The following GALNT13 variants were observed in gnomAD, a reference collection of about 807,000 sequenced individuals.
GALNT13 encodes the protein UDP-GalNAc:polypeptide N-acetylgalactosaminyltransferase 13.
In GALNT13, 28 loss-of-function variants were observed where a neutral mutation model predicts 64.2. That is an observed-to-expected ratio of 0.44 (90% CI 0.32 to 0.60). The LOEUF (loss-of-function observed/expected upper bound fraction) is 0.60, where lower values mean the gene tolerates loss of function less well. GALNT13 is among the 20% of genes least tolerant of loss of function. The probability of loss-of-function intolerance (pLI) is 0.05; values close to 1 mark genes in which losing one functional copy is unlikely to be tolerated. For missense variants in GALNT13, 577 were observed against 669.8 expected, an observed-to-expected ratio of 0.86 and a Z score of 1.53; for synonymous variants, 214 against 224.6, an observed-to-expected ratio of 0.95 and a Z score of 0.42.
chr2:153,477,880 C>G, the GALNT13 span: 1 of 299,082 alleles, frequency 3.3e-6, no homozygotes, highest in Non-Finnish European at 6.3e-6. Context: ...TCTCCCCTGC[C>G]CGCCCTCTCC....
chr2:153,870,355 G>A (rs1006359067), upstream of GALNT13, among the ~76,000 whole-genome samples: 3 of 151,932 alleles, frequency 2.0e-5, no homozygotes, highest in Non-Finnish European at 4.4e-5. Context: ...TAAGAATGGG[G>A]GCTTATTTGT....
At chr2:154,350,531 G>A (rs1380541105) in intron 9 of GALNT13, among the ~76,000 whole-genome samples, 1 of 152,188 alleles carries the variant, frequency 6.6e-6, no homozygotes, top group African/African-American at 2.4e-5. Flanking sequence ...TACTTTTGAG[G>A]TTTGGGGACT....
chr2:154,316,094 A>C (rs1694304915), intron 9 of GALNT13, among the ~76,000 whole-genome samples: 1 of 152,166 alleles, frequency 6.6e-6, no homozygotes, highest in Non-Finnish European at 1.5e-5. Context: ...TCTCAAAAAA[A>C]TTAAAAAAAA....
the GALNT13 span, among the ~76,000 whole-genome samples, chr2:153,328,500 C>A: frequency 1.3e-5 from 2 of 152,190 alleles, no homozygotes; most frequent in Non-Finnish European, 2.9e-5. Flanking sequence ...AGATGCCCTG[C>A]CCAGAGAGGA....
intron 1 of GALNT13, among the ~76,000 whole-genome samples, chr2:153,888,506 A>G (rs946335157): frequency 3.3e-5 from 5 of 151,990 alleles, no homozygotes; most frequent in Non-Finnish European, 5.9e-5. Context: ...ATGTGATTCA[A>G]GCAATTTTCT....
At chr2:153,687,274 G>T in the GALNT13 span, among the ~76,000 whole-genome samples, 1 of 151,790 alleles carries the variant, frequency 6.6e-6, no homozygotes, top group Admixed American at 6.6e-5. Flanking sequence ...TCTGGCCCTG[G>T]GCTTTTTTTG....
the GALNT13 span, among the ~76,000 whole-genome samples, chr2:153,308,961 T>C: frequency 6.6e-6 from 1 of 152,104 alleles, no homozygotes; most frequent in African/African-American, 2.4e-5. Context: ...TTATTTAATA[T>C]GTTTGAGGCT....
At chr2:153,766,189 T>A in the GALNT13 span, among the ~76,000 whole-genome samples, 3 of 152,198 alleles carry the variant, frequency 2.0e-5, no homozygotes, top group African/African-American at 7.2e-5. Context: ...ACTTCAGTCT[T>A]GCCTGGGCTC....
intron 9 of GALNT13, among the ~76,000 whole-genome samples, chr2:154,365,954 A>G (rs936325094): frequency 4.6e-5 from 7 of 152,224 alleles, no homozygotes; most frequent in African/African-American, 9.6e-5. Flanking sequence ...TGTGAAGTCA[A>G]TGCTATTGAC....
chr2:153,301,584 C>T, the GALNT13 span, among the ~76,000 whole-genome samples: 17 of 152,040 alleles, frequency 1.1e-4, no homozygotes, highest in African/African-American at 3.4e-4. Flanking sequence ...TTTAAGAATA[C>T]GATATGTACA....
At chr2:153,803,467 C>A in the GALNT13 span, among the ~76,000 whole-genome samples, 3 of 152,042 alleles carry the variant, frequency 2.0e-5, no homozygotes, top group Admixed American at 1.3e-4. Context: ...CCAAGGCGGG[C>A]GGATCACGAG....
the GALNT13 span, among the ~76,000 whole-genome samples, chr2:153,851,358 C>A: frequency 1.3e-5 from 2 of 152,054 alleles, no homozygotes; most frequent in African/African-American, 4.8e-5. Context: ...AAAACAGTTA[C>A]CAGAAGACCT....
chr2:153,912,047 A>T (rs1216666562), intron 2 of GALNT13, among the ~76,000 whole-genome samples: 1 of 152,062 alleles, frequency 6.6e-6, no homozygotes, highest in African/African-American at 2.4e-5. Context: ...TGTCAATGTC[A>T]TAGATTTGGT....
At chr2:153,640,303 C>T in the GALNT13 span, among the ~76,000 whole-genome samples, 6 of 152,104 alleles carry the variant, frequency 3.9e-5, no homozygotes, top group Non-Finnish European at 7.4e-5. Flanking sequence ...TTGACTACTC[C>T]AAGTGTGGAG....
At chr2:154,298,806 AT>A (rs1693232137) in intron 8 of GALNT13, among the ~76,000 whole-genome samples, 2 of 4,144 alleles carry the variant, frequency 4.8e-4, no homozygotes, top group Non-Finnish European at 1.3e-3. Flanking sequence ...TTATATATAA[AT>A]TATATATTAT....
chr2:153,304,979 G>A, the GALNT13 span, among the ~76,000 whole-genome samples: 7 of 152,090 alleles, frequency 4.6e-5, no homozygotes, highest in Non-Finnish European at 1.0e-4. Context: ...TTTTTAATTA[G>A]TTTTTCTGAG....
the GALNT13 span, among the ~76,000 whole-genome samples, chr2:153,559,163 A>T: frequency 5.3e-5 from 8 of 152,190 alleles, no homozygotes; most frequent in Admixed American, 3.9e-4. Flanking sequence ...CATCATTATA[A>T]TAGCTAACAA....
chr2:154,360,333 A>C (rs2105282857), intron 9 of GALNT13, among the ~76,000 whole-genome samples: 1 of 152,272 alleles, frequency 6.6e-6, no homozygotes, highest in Admixed American at 6.5e-5. Context: ...CTGGCTGTAT[A>C]TTCAGGCTTT....
the GALNT13 span, among the ~76,000 whole-genome samples, chr2:153,827,218 TACTC>T: frequency 1.3e-5 from 2 of 152,030 alleles, no homozygotes; most frequent in African/African-American, 2.4e-5. Context: ...TCCTGGGACT[TACTC>T]ACTATCATGA....
Sources: gnomAD v4.1 joint callset for allele counts (sites outside exome capture counted in the v4.1 genomes callset) on GRCh38, gnomAD v4.1.1 for gene constraint, MANE v1.5 for transcripts, NCBI Gene and HGNC (gene_info 2026-07-23, HGNC 2026-07-21) for gene names.